Variants in CCDC146 observed in about 807,000 individuals in gnomAD.
CCDC146 encodes coiled-coil domain-containing protein 146.
In CCDC146, 92 loss-of-function variants were observed where a neutral mutation model predicts 119.3. The observed-to-expected ratio is 0.77, with a 90% CI of 0.65 to 0.92. The LOEUF (loss-of-function observed/expected upper bound fraction) is 0.92. CCDC146 is among the 40% of genes least tolerant of loss of function. The probability of loss-of-function intolerance (pLI) is 0.00; values close to 1 mark genes in which losing one functional copy is unlikely to be tolerated. For missense variants in CCDC146, 1,000 were observed against 1,103.0 expected, an observed-to-expected ratio of 0.91 and a Z score of 1.32; for synonymous variants, 372 against 371.8, an observed-to-expected ratio of 1.00 and a Z score of -0.01.
At chr7:77,267,342 C>T (rs1343258872) in intron 9 of CCDC146, among the ~76,000 whole-genome samples, 1 of 152,136 alleles carries the variant, frequency 6.6e-6, no homozygotes, top group Non-Finnish European at 1.5e-5. Context: ...CAGATAGAAG[C>T]TCTGTAGTTG....
intron 2 of CCDC146, among the ~76,000 whole-genome samples, chr7:77,172,694 C>T (rs564604025): frequency 4.1e-4 from 63 of 152,232 alleles, no homozygotes; most frequent in African/African-American, 1.5e-3. Flanking sequence ...AGGGACTCTC[C>T]CATATTTAGA....
intron 1 of CCDC146, among the ~76,000 whole-genome samples, chr7:77,155,712 T>C (rs1046821585): frequency 1.1e-4 from 16 of 152,088 alleles, no homozygotes; most frequent in Non-Finnish European, 1.9e-4. Flanking sequence ...TTTGTTTAAA[T>C]TGTGAAGGGT....
intron 4 of CCDC146, among the ~76,000 whole-genome samples, chr7:77,245,458 A>T (rs17149448): frequency 0.092 from 14,072 of 152,148 alleles, 1,864 homozygotes; most frequent in African/African-American, 0.29. Context: ...TGCGTCTTTC[A>T]TGCAAAATCT....
Position 77,196,567 on chromosome 7 carries a change from A to G in CCDC146, c.156+28743A>G. On this transcript the variant is annotated intron_variant, in intron 2 of 18. Transcript: ENST00000285871. This position sits in a 1 kb window ranked among gnomAD's most constrained non-coding sequence, Gnocchi z 4.2. The stretch of plus-strand genomic sequence containing the variant: ...GATCGTGGTTGTAATGTTTGTTGAA[A>G]CGTAATGCATCTCCAGCTGTGCCAT... 6.2e-7 allele frequency: 1 copy of G among 1,614,140 alleles called. No individual in the cohort carries two copies. The highest frequency in any genetic ancestry group is 8.5e-7 in the Non-Finnish European group (1 of 1,180,008).
At chr7:77,160,135 T>A (rs1327345026) in intron 1 of CCDC146, among the ~76,000 whole-genome samples, 3 of 152,202 alleles carry the variant, frequency 2.0e-5, no homozygotes, top group South Asian at 4.1e-4. Context: ...TATATCTCTG[T>A]TTTGGTACAA....
chr7:77,206,672 TACAC>T (rs1016831306), intron 2 of CCDC146, among the ~76,000 whole-genome samples: 2 of 130,746 alleles, frequency 1.5e-5, no homozygotes, highest in East Asian at 2.1e-4. Context: ...TATATATATA[TACAC>T]ACACACACAC....
intron 2 of CCDC146, among the ~76,000 whole-genome samples, chr7:77,211,279 C>A (rs1254877336): frequency 6.6e-6 from 1 of 152,206 alleles, no homozygotes; most frequent in African/African-American, 2.4e-5. Context: ...AAACACCTTC[C>A]TTTTGCTGTG....
chr7:77,277,058 C>T (rs180787414), intron 11 of CCDC146, among the ~76,000 whole-genome samples: 14 of 151,476 alleles, frequency 9.2e-5, no homozygotes, highest in East Asian at 1.9e-4. Flanking sequence ...GGTGACAGAG[C>T]GAGACTCTGT....
chr7:77,178,133 A>C (rs1791528404), intron 2 of CCDC146, among the ~76,000 whole-genome samples: 1 of 152,230 alleles, frequency 6.6e-6, no homozygotes, highest in Admixed American at 6.5e-5. Flanking sequence ...TAAATTGTAC[A>C]CTGCAGAAGA....
chr7:77,291,112 G>A (rs1350668325), intron 17 of CCDC146, among the ~76,000 whole-genome samples: 1 of 152,178 alleles, frequency 6.6e-6, no homozygotes, highest in Non-Finnish European at 1.5e-5. Context: ...CTCATGAAGA[G>A]TACATTCTTA....
chr7:77,236,091 A>AAATAAATAAATAAATAAATAAATAAATG (rs1245729417), intron 2 of CCDC146, among the ~76,000 whole-genome samples: 61 of 152,004 alleles, frequency 4.0e-4, no homozygotes, highest in Non-Finnish European at 6.8e-4. Flanking sequence ...ATAAATAAAT[A>AAATAAATAAATAAATAAATAAATAAATG]AATGTAAGAA....
Position 77,267,525 on chromosome 7 carries a change from CTTT to C in CCDC146, c.1173+5230_1173+5232del, listed in dbSNP as rs74781634. On this transcript the variant is annotated intron_variant, in intron 9 of 18. Transcript: ENST00000285871. ...TTGAGTTTTCAGTTGTAGACTTGATCTTTTTTTTTTTTTTAATCACTATAAAAG... is the reference window on the plus strand; with the variant it reads ...TTGAGTTTTCAGTTGTAGACTTGATCTTTTTTTTTTTAATCACTATAAAAG... Among the ~76,000 whole-genome samples the C allele has an allele frequency of 2.4e-3, 356 of 149,536 alleles. 1 individual carries two copies. The highest frequency in any genetic ancestry group is 4.7e-3 in the East Asian group (24 of 5,124).
chr7:77,274,440 A>G (rs1203082776), intron 10 of CCDC146, 42 bp from the exon 11 acceptor site: 4 of 1,317,486 alleles, frequency 3.0e-6, no homozygotes, highest in Admixed American at 5.3e-5. Context: ...GTATTACTTC[A>G]AACAAATAAC....
At chr7:77,161,906 T>C (rs1312387537) in intron 1 of CCDC146, among the ~76,000 whole-genome samples, 1 of 152,244 alleles carries the variant, frequency 6.6e-6, no homozygotes, top group African/African-American at 2.4e-5. Context: ...TTGGTAATGT[T>C]GATGACCTTT....
At chr7:77,164,381 T>C (rs1161651311) in intron 1 of CCDC146, among the ~76,000 whole-genome samples, 4 of 152,154 alleles carry the variant, frequency 2.6e-5, no homozygotes, top group Admixed American at 6.5e-5. Flanking sequence ...ATATAAAGTA[T>C]TGTAATGCCA....
rs1793711167 is a variant in CCDC146, at chr7:77,278,996, A to C, written c.1589A>C (p.Asn530Thr). Residue 530 changes from asparagine to threonine, a missense_variant, in exon 13 of 19, where the codon AAC (asparagine) becomes ACC (threonine). Asn to Thr is a moderately conservative substitution (Grantham distance 65, BLOSUM62 0). Coordinates refer to ENST00000285871, the MANE Select transcript of CCDC146 (RefSeq NM_020879.3). ...TIRNERNKFV[N>T]LLHKAHQKVN... ...CGAAATGAAAGAAACAAATTTGTTA[A>C]CTTACTCCACAAAGCTCATCAGAAA... is the stretch of plus-strand genomic sequence containing the variant. The C allele has an allele frequency of 6.2e-7, 1 of 1,612,526 alleles. No homozygotes were observed. Among genetic ancestry groups the C allele is most frequent in the African/African-American group, 1.3e-5 (1 of 74,842 alleles).
intron 7 of CCDC146, 70 bp from the exon 8 acceptor site, chr7:77,259,939 A>AGTGTGTGTGT (rs58669153): frequency 1.1e-5 from 8 of 758,070 alleles, no homozygotes; most frequent in Non-Finnish European, 1.7e-5. Context: ...AAATAAGGCA[A>AGTGTGTGTGT]GTGTGTGTGT....
chr7:77,254,630 T>C, intron 5 of CCDC146, 67 bp downstream of exon 5: 1 of 886,090 alleles, frequency 1.1e-6, no homozygotes. Flanking sequence ...TTATAAATAT[T>C]AATGTTTATC....
At chr7:77,129,803 C>A (rs1790755815) in intron 1 of CCDC146, among the ~76,000 whole-genome samples, 1 of 152,134 alleles carries the variant, frequency 6.6e-6, no homozygotes, top group Non-Finnish European at 1.5e-5. Context: ...TTACATCATA[C>A]TCTTCTTTAA....
Sources: gnomAD v4.1 joint callset for allele counts (sites outside exome capture counted in the v4.1 genomes callset) on GRCh38, gnomAD v4.1.1 for gene constraint, Gnocchi (gnomAD v3.1) non-coding constraint, MANE v1.5 for transcripts, NCBI Gene and HGNC (gene_info 2026-07-23, HGNC 2026-07-21) for gene names.